The following GRM5 variants were observed in gnomAD, a reference collection of about 807,000 sequenced individuals.
The protein encoded by GRM5 is metabotropic glutamate receptor 5.
Under a neutral mutation model 83.1 loss-of-function variants are expected in GRM5, and 19 were observed. The ratio of observed to expected loss-of-function variants is 0.23; its 90% CI spans 0.16 to 0.34. GRM5 has a LOEUF of 0.34. Among genes scored for constraint, GRM5 ranks in the 10% least tolerant of loss-of-function variants. The pLI, the probability that GRM5 is intolerant of heterozygous loss-of-function variation, is 1.00. For synonymous variants in GRM5, 675 were observed against 633.6 expected (o/e 1.07, Z -0.98); for missense variants, 1,160 against 1,588.3 (o/e 0.73, Z 4.58).
chr11:88,970,802 TG>T (rs1308020623), intron 2 of GRM5, among the ~76,000 whole-genome samples: 1 of 152,148 alleles, frequency 6.6e-6, no homozygotes, highest in Non-Finnish European at 1.5e-5. Context: ...CAGTGGGAAG[TG>T]GGCAGTGGGC....
chr11:88,820,128 C>T (rs1291319979), intron 3 of GRM5, among the ~76,000 whole-genome samples: 1 of 151,780 alleles, frequency 6.6e-6, no homozygotes, highest in Non-Finnish European at 1.5e-5. Flanking sequence ...TGCCTGTAAT[C>T]CCAGCACTTT....
intron 2 of GRM5, among the ~76,000 whole-genome samples, chr11:88,868,141 T>C (rs1347957775): frequency 1.3e-5 from 2 of 151,842 alleles, no homozygotes; most frequent in African/African-American, 4.8e-5. Context: ...AGTAGGCCAA[T>C]CACCAGACCA....
chr11:88,580,028 C>T (rs183735546), intron 7 of GRM5, among the ~76,000 whole-genome samples: 1 of 152,256 alleles, frequency 6.6e-6, no homozygotes, highest in Non-Finnish European at 1.5e-5. Flanking sequence ...GATTTCTTTA[C>T]TGACTAAAGG....
intron 3 of GRM5, among the ~76,000 whole-genome samples, chr11:88,674,380 T>C (rs541910299): frequency 6.6e-6 from 1 of 152,112 alleles, no homozygotes; most frequent in Admixed American, 6.6e-5. Flanking sequence ...ATCCTATGAC[T>C]CCAATTACCA....
intron 4 of GRM5, among the ~76,000 whole-genome samples, chr11:88,630,636 T>A (rs1374662641): frequency 3.3e-5 from 5 of 151,748 alleles, no homozygotes; most frequent in Non-Finnish European, 7.4e-5. Context: ...TGGAGTGCAA[T>A]GGTGCGATCT....
chr11:88,540,658 A>G (rs1322863015), intron 8 of GRM5, among the ~76,000 whole-genome samples: 1 of 152,070 alleles, frequency 6.6e-6, no homozygotes, highest in African/African-American at 2.4e-5. Context: ...GGAGGAGGGA[A>G]CTCAAATCAC....
chr11:88,537,027 A>G (rs1428729342), intron 8 of GRM5, among the ~76,000 whole-genome samples: 1 of 152,184 alleles, frequency 6.6e-6, no homozygotes, highest in African/African-American at 2.4e-5. Flanking sequence ...TGTAAGTCTC[A>G]GAAGTGCCAC....
At chr11:88,523,879 G>T (rs1591321905) in intron 9 of GRM5, 1 of 152,222 alleles carries the variant, frequency 6.6e-6, no homozygotes. Context: ...CAAAATGTTT[G>T]TGGTGAAATT....
intron 3 of GRM5, among the ~76,000 whole-genome samples, chr11:88,726,157 T>C (rs958152553): frequency 6.6e-6 from 1 of 151,912 alleles, no homozygotes; most frequent in Non-Finnish European, 1.5e-5. Context: ...ATGAGAGGAA[T>C]TGCTGACTAG....
chr11:88,759,162 A>G (rs1317685407), intron 3 of GRM5, among the ~76,000 whole-genome samples: 1 of 152,030 alleles, frequency 6.6e-6, no homozygotes, highest in Non-Finnish European at 1.5e-5. Flanking sequence ...ACTATAAAGC[A>G]ACCAAACAAG....
At position 88,905,548 on chromosome 11, in the gene GRM5, G is replaced by C. The variant is rs142779254; in HGVS notation, c.662-55393C>G. Among the ~76,000 whole-genome samples, 563 of 152,186 alleles carry C rather than the reference G, an allele frequency of 3.7e-3. 4 individuals carry two copies. Among genetic ancestry groups the C allele is most frequent in the Admixed American group, 0.011 (175 of 15,274 alleles). ...GTAGAGACGGGGTTTCGCCAGGTTT[G>C]TCAGGCTGGTCTGGAATTCCTGACC... On this transcript the variant is annotated intron_variant, in intron 2 of 9. Coordinates refer to ENST00000305447, the MANE Select transcript of GRM5 (RefSeq NM_001143831.3).
At chr11:88,836,109 C>A (rs1302441916) in intron 3 of GRM5, among the ~76,000 whole-genome samples, 2 of 152,172 alleles carry the variant, frequency 1.3e-5, no homozygotes, top group African/African-American at 4.8e-5. Context: ...AAACTTAATA[C>A]TGCTATGTAA....
chr11:88,762,505 G>GAC (rs59180756), intron 3 of GRM5, among the ~76,000 whole-genome samples: 109,529 of 151,516 alleles, frequency 0.72, 39,992 homozygotes, highest in African/African-American at 0.75. Context: ...CACTCAGAAT[G>GAC]TATTATTAAA....
At chr11:88,673,497 A>T (rs539578419) in intron 3 of GRM5, among the ~76,000 whole-genome samples, 83 of 152,094 alleles carry the variant, frequency 5.5e-4, no homozygotes, top group African/African-American at 2.0e-3. Context: ...ATAATCTGAA[A>T]TGTAGAGAAG....
At chr11:88,991,381 T>G (rs369820674) in intron 2 of GRM5, among the ~76,000 whole-genome samples, 4,571 of 150,882 alleles carry the variant, frequency 0.03, 235 homozygotes, top group African/African-American at 0.11. Flanking sequence ...ACAAATGGAA[T>G]AACATTCCAT....
Position 88,718,958 on chromosome 11 carries a change from G to A in GRM5, c.912-65555C>T, listed in dbSNP as rs554133155. ...CTCCTTGTTATTCTCAGTGAAGCAT[G>A]TTTGGCCACCCTATCTAAAATTGCC... On this transcript the variant is annotated intron_variant, in intron 3 of 9. Coordinates refer to ENST00000305447, the MANE Select transcript of GRM5 (RefSeq NM_001143831.3). Among the ~76,000 whole-genome samples the A allele has an allele frequency of 2.6e-5, 4 of 151,092 alleles. No individual in the cohort carries two copies. The South Asian group carries it at 6.3e-4, about 24-fold the overall frequency.
At position 89,036,137 on chromosome 11, in the gene GRM5, C is replaced by G. The variant is rs144362338; in HGVS notation, c.661+11075G>C. Among the ~76,000 whole-genome samples, 574 of 152,206 alleles carry G rather than the reference C, an allele frequency of 3.8e-3. 2 individuals carry two copies. Among genetic ancestry groups the G allele is most frequent in the African/African-American group, 0.013 (537 of 41,534 alleles). ...TCTAGTTTCATCTCCTACACCCACT[C>G]ACATCAAAGATAACCATGTTCACAG... On this transcript the variant is annotated intron_variant, in intron 2 of 9. Transcript: ENST00000305447.
intron 2 of GRM5, among the ~76,000 whole-genome samples, chr11:88,874,767 T>A (rs1172315581): frequency 6.6e-6 from 1 of 151,904 alleles, no homozygotes; most frequent in Non-Finnish European, 1.5e-5. Context: ...ACCATTACAA[T>A]AAAGCAAATA....
chr11:88,856,133 C>T (rs1944471973), intron 2 of GRM5, among the ~76,000 whole-genome samples: 2 of 151,890 alleles, frequency 1.3e-5, no homozygotes, highest in South Asian at 4.1e-4. Context: ...ATTAAGATTC[C>T]CAATATAAAC....
Sources: allele counts gnomAD v4.1 joint callset (sites outside exome capture counted in the v4.1 genomes callset), GRCh38; gene constraint gnomAD v4.1.1; transcripts MANE v1.5; gene names NCBI Gene and HGNC (gene_info 2026-07-23, HGNC 2026-07-21).